TGFB2: variants seen among roughly 807,000 people sequenced by gnomAD.
TGFB2 encodes transforming growth factor beta-2 proprotein.
A neutral mutation model predicts 42.7 loss-of-function variants in TGFB2; 13 were observed. The ratio of observed to expected loss-of-function variants is 0.30; its 90% CI spans 0.20 to 0.48. The LOEUF (loss-of-function observed/expected upper bound fraction) is 0.48, where lower values mean the gene tolerates loss of function less well. TGFB2 is among the 20% of genes least tolerant of loss of function. TGFB2 has a pLI of 0.99. For synonymous variants in TGFB2, 193 were observed against 193.6 expected (o/e 1.00, Z 0.03); for missense variants, 390 against 517.5 (o/e 0.75, Z 2.39).
chr1:218,353,610 CCTT>C (rs772269985), intron 1 of TGFB2, among the ~76,000 whole-genome samples: 13 of 152,164 alleles, frequency 8.5e-5, no homozygotes, highest in Non-Finnish European at 1.5e-4. Context: ...CTTTAAAAAT[CCTT>C]CTGCCTGGTG....
intron 1 of TGFB2, among the ~76,000 whole-genome samples, chr1:218,387,326 G>A (rs776557963): frequency 6.6e-6 from 1 of 152,128 alleles, no homozygotes; most frequent in African/African-American, 2.4e-5. Context: ...TTGACATGCC[G>A]TGGAGTTGTC....
intron 2 of TGFB2, among the ~76,000 whole-genome samples, chr1:218,422,004 C>T (rs984469332): frequency 1.3e-5 from 2 of 152,062 alleles, no homozygotes; most frequent in African/African-American, 4.8e-5. Context: ...ACTTCTAGCC[C>T]CCAGATTTGT....
chr1:218,369,346 G>A (rs947108748), intron 1 of TGFB2, among the ~76,000 whole-genome samples: 10 of 149,284 alleles, frequency 6.7e-5, no homozygotes, highest in African/African-American at 2.2e-4. Context: ...GGAGGTCTTC[G>A]TGATGCATCA....
intron 1 of TGFB2, among the ~76,000 whole-genome samples, chr1:218,390,919 A>G (rs1417520104): frequency 1.3e-5 from 2 of 152,206 alleles, no homozygotes; most frequent in African/African-American, 4.8e-5. Flanking sequence ...CAACCCTAAG[A>G]AAGCACCATC....
rs1002933360 is a variant in TGFB2, at chr1:218,345,453, G to A, written c.-1249G>A. The A allele has an allele frequency of 5.9e-5, 9 of 152,886 alleles. No individual in the cohort carries two copies. Among genetic ancestry groups the A allele is most frequent in the Non-Finnish European group, 1.3e-4 (9 of 68,550 alleles). 9.5% of individuals were successfully genotyped at this position (152,886 alleles called of 1,614,324 possible). On this transcript the variant is annotated 5_prime_UTR_variant, in exon 1 of 7. Coordinates refer to ENST00000366930, the MANE Select transcript of TGFB2 (RefSeq NM_003238.6). ...GAAAGAGAGAAAGAGACAGCAGAGC[G>A]AGAGCGCAAGTGAAAGAGGCAGGGG...
chr1:218,435,955 A>T lies in TGFB2; in HGVS notation c.755-15A>T. 6.3e-7 allele frequency: 1 copy of T among 1,590,500 alleles called. No individual in the cohort carries two copies. Among genetic ancestry groups the T allele is most frequent in the East Asian group, 2.2e-5 (1 of 44,650 alleles). ...GTGAAGCTAAATGTTTATTACCCAA[A>T]TGCATTTTTTCAAGGTATTGATGGC... is the stretch of plus-strand genomic sequence containing the variant. On this transcript the variant is annotated splice_polypyrimidine_tract_variant and intron_variant, in intron 4 of 6. Transcript: ENST00000366930.
At chr1:218,404,077 C>G (rs530062219) in intron 1 of TGFB2, among the ~76,000 whole-genome samples, 7 of 141,908 alleles carry the variant, frequency 4.9e-5, no homozygotes, top group East Asian at 4.1e-4. Flanking sequence ...AAAAAGCCAG[C>G]ACAACTCTAA....
chr1:218,369,649 C>T (rs368035573), intron 1 of TGFB2, among the ~76,000 whole-genome samples: 106 of 152,236 alleles, frequency 7.0e-4, no homozygotes, highest in Middle Eastern at 3.4e-3. Flanking sequence ...TTCGTACTCG[C>T]GGTGAAGCCT....
intron 1 of TGFB2, among the ~76,000 whole-genome samples, chr1:218,364,700 A>G (rs138879756): frequency 6.6e-6 from 1 of 152,274 alleles, no homozygotes; most frequent in East Asian, 1.9e-4. Context: ...TTGGTTAGAA[A>G]TCAGTATAGT....
chr1:218,360,990 GACT>G (rs1224683666), intron 1 of TGFB2, among the ~76,000 whole-genome samples: 1 of 152,142 alleles, frequency 6.6e-6, no homozygotes, highest in African/African-American at 2.4e-5. Flanking sequence ...GAGTAACTGG[GACT>G]ACAGGCACGT....
At chr1:218,372,740 G>A (rs1050829495) in intron 1 of TGFB2, among the ~76,000 whole-genome samples, 2 of 152,190 alleles carry the variant, frequency 1.3e-5, no homozygotes, top group African/African-American at 4.8e-5. Flanking sequence ...TTTGGTAGCT[G>A]TAGTGCAGAG....
chr1:218,386,579 C>A (rs368959844), intron 1 of TGFB2, among the ~76,000 whole-genome samples: 1 of 152,280 alleles, frequency 6.6e-6, no homozygotes, highest in Middle Eastern at 3.4e-3. Context: ...CCCACAGGTT[C>A]CTGATGCTAA....
intron 1 of TGFB2, among the ~76,000 whole-genome samples, chr1:218,349,795 G>A (rs531399652): frequency 2.6e-5 from 4 of 152,228 alleles, no homozygotes; most frequent in African/African-American, 9.6e-5. Context: ...TATTATCCTT[G>A]GCCAAGTATA....
intron 6 of TGFB2, among the ~76,000 whole-genome samples, chr1:218,439,968 G>A (rs1245304039): frequency 2.6e-5 from 4 of 152,192 alleles, no homozygotes; most frequent in South Asian, 2.1e-4. Flanking sequence ...GAATCTCGAG[G>A]AAAAGGTCAC....
At position 218,375,382 on chromosome 1, in the gene TGFB2, G is replaced by A. The variant is rs542484174; in HGVS notation, c.346+28335G>A. ...GGTAAAATCCTGACTGTGTAACATC[G>A]AGAAAGTCAGTTACCCTTTCTGAAC... On this transcript the variant is annotated intron_variant, in intron 1 of 6. Coordinates refer to ENST00000366930, the MANE Select transcript of TGFB2 (RefSeq NM_003238.6). 1.7e-4 allele frequency among the ~76,000 whole-genome samples: 25 copies of A among 147,976 alleles called. No individual in the cohort carries two copies. In the South Asian group the frequency reaches 1.9e-3, roughly 11 times the overall value.
intron 1 of TGFB2, among the ~76,000 whole-genome samples, chr1:218,361,989 C>A (rs2102544456): frequency 6.6e-6 from 1 of 152,302 alleles, no homozygotes; most frequent in South Asian, 2.1e-4. Flanking sequence ...GTCAGAGCCC[C>A]ATATCTCAGT....
At chr1:218,382,999 T>C (rs1006270879) in intron 1 of TGFB2, among the ~76,000 whole-genome samples, 6 of 152,248 alleles carry the variant, frequency 3.9e-5, no homozygotes, top group African/African-American at 1.4e-4. Context: ...AAGATTGTTT[T>C]ATGACACTAG....
chr1:218,365,513 G>A (rs1166540348), intron 1 of TGFB2, among the ~76,000 whole-genome samples: 1 of 152,114 alleles, frequency 6.6e-6, no homozygotes. Context: ...GAGTGTCTGA[G>A]GGTGTGGAAG....
intron 2 of TGFB2, among the ~76,000 whole-genome samples, chr1:218,432,534 T>C (rs1449149884): frequency 6.6e-6 from 1 of 152,226 alleles, no homozygotes; most frequent in Non-Finnish European, 1.5e-5. Flanking sequence ...AAGCGTCTGT[T>C]GCCAAATTAC....
Sources: allele counts gnomAD v4.1 joint callset (sites outside exome capture counted in the v4.1 genomes callset), GRCh38; gene constraint gnomAD v4.1.1; transcripts MANE v1.5; gene names NCBI Gene and HGNC (gene_info 2026-07-23, HGNC 2026-07-21).